Variants in EBF1 observed in about 807,000 individuals in gnomAD.
EBF1 encodes transcription factor COE1.
Under a neutral mutation model 68.4 loss-of-function variants are expected in EBF1, and 10 were observed. The ratio of observed to expected loss-of-function variants is 0.15; its 90% CI spans 0.09 to 0.25. EBF1 has a LOEUF of 0.25. Among genes scored for constraint, EBF1 ranks in the 10% least tolerant of loss-of-function variants. The pLI is 1.00. For missense variants in EBF1, 509 were observed against 794.4 expected (o/e 0.64, Z 4.32); for synonymous variants, 298 against 299.8 (o/e 0.99, Z 0.06).
chr5:158,824,429 T>C (rs192812903), intron 7 of EBF1, among the ~76,000 whole-genome samples: 110 of 152,302 alleles, frequency 7.2e-4, no homozygotes, highest in Admixed American at 1.9e-3. Context: ...ACTTGAGAAA[T>C]GAAAGACAAT....
intron 11 of EBF1, among the ~76,000 whole-genome samples, chr5:158,727,775 C>T (rs1304711535): frequency 6.6e-6 from 1 of 152,216 alleles, no homozygotes; most frequent in Non-Finnish European, 1.5e-5. Context: ...AAGATGTCTG[C>T]TGCCCAGCCT....
intron 10 of EBF1, among the ~76,000 whole-genome samples, chr5:158,752,836 A>C (rs1434313348): frequency 1.3e-5 from 2 of 152,196 alleles, no homozygotes; most frequent in African/African-American, 2.4e-5. Flanking sequence ...CACACCACAC[A>C]GATAATTATA....
At chr5:158,744,441 C>A (rs1767114398) in intron 10 of EBF1, among the ~76,000 whole-genome samples, 1 of 151,964 alleles carries the variant, frequency 6.6e-6, no homozygotes, top group South Asian at 2.1e-4. Context: ...AGCAACCAAC[C>A]AGGAGAGGTC....
At chr5:158,713,972 T>C in intron 12 of EBF1, 145 bp downstream of exon 12, 1 of 756,316 alleles carries the variant, frequency 1.3e-6, no homozygotes, top group South Asian at 2.1e-5. Context: ...TGAATCATCT[T>C]GCAACATGTT....
At chr5:158,733,142 G>A (rs1764466687) in intron 10 of EBF1, among the ~76,000 whole-genome samples, 1 of 152,186 alleles carries the variant, frequency 6.6e-6, no homozygotes. Context: ...AGATGCATGA[G>A]AGAGACAGGA....
At chr5:158,758,771 C>A (rs908030369) in intron 10 of EBF1, among the ~76,000 whole-genome samples, 7 of 152,086 alleles carry the variant, frequency 4.6e-5, no homozygotes, top group African/African-American at 4.8e-5. Context: ...CCAAACATGG[C>A]GTGGTTATTC....
At position 158,725,307 on chromosome 5, in the gene EBF1, A is replaced by C. The variant is rs529768898; in HGVS notation, c.1125+5762T>G. Among the ~76,000 whole-genome samples, 3 of 151,792 alleles carry C rather than the reference A, an allele frequency of 2.0e-5. No homozygotes were observed. The South Asian group carries it at 6.3e-4, about 32-fold the overall frequency. On this transcript the variant is annotated intron_variant, in intron 11 of 15. Transcript: ENST00000313708. ...CCACAACCCCTCCTTCCCACCATCCACCCCACTGGTGTTCACCTCCCTTAT... is the reference window on the plus strand; with the variant it reads ...CCACAACCCCTCCTTCCCACCATCCCCCCCACTGGTGTTCACCTCCCTTAT...
At chr5:159,073,041 G>A (rs1329977183) in intron 6 of EBF1, among the ~76,000 whole-genome samples, 1 of 152,116 alleles carries the variant, frequency 6.6e-6, no homozygotes, top group African/African-American at 2.4e-5. Context: ...TCAAATAAAA[G>A]TTAAATATTT....
intron 10 of EBF1, among the ~76,000 whole-genome samples, chr5:158,755,610 C>T (rs926329435): frequency 6.6e-6 from 1 of 151,974 alleles, no homozygotes; most frequent in Non-Finnish European, 1.5e-5. Context: ...TAGCTGAAGG[C>T]CTAAAAGTGG....
At position 158,823,040 on chromosome 5, in the gene EBF1, C is replaced by A. The variant is rs1785196909; in HGVS notation, c.778+136G>T. Reference sequence around the variant, plus strand: ...GCCACCATATGTTGAAGAGAAAAAACCCTAGAGGACCAATCTTATTCAAAA... The same window carrying A: ...GCCACCATATGTTGAAGAGAAAAAAACCTAGAGGACCAATCTTATTCAAAA... On this transcript the variant is annotated intron_variant, in intron 8 of 15. Transcript: ENST00000313708. The A allele has an allele frequency of 3.3e-6, 4 of 1,202,006 alleles. No homozygotes were observed. The South Asian group carries it at 5.7e-5, about 17-fold the overall frequency. The allele number at this position is 1,202,006 out of a possible 1,614,324, so 74.5% of individuals were successfully genotyped here. A position where few individuals can be genotyped will look rare whatever the true frequency, so the allele number is the denominator to read the frequency against.
intron 6 of EBF1, among the ~76,000 whole-genome samples, chr5:158,890,968 A>G (rs1305750574): frequency 6.6e-6 from 1 of 152,188 alleles, no homozygotes; most frequent in African/African-American, 2.4e-5. Flanking sequence ...GATAAATAAA[A>G]CAACTTGACT....
intron 10 of EBF1, among the ~76,000 whole-genome samples, chr5:158,770,667 T>G (rs570655584): frequency 6.6e-6 from 1 of 152,182 alleles, no homozygotes; most frequent in Non-Finnish European, 1.5e-5. Flanking sequence ...CAGGGCCTTC[T>G]CATTTGCTCC....
intron 6 of EBF1, among the ~76,000 whole-genome samples, chr5:158,939,124 A>C (rs1812705102): frequency 6.6e-6 from 1 of 152,220 alleles, no homozygotes; most frequent in Non-Finnish European, 1.5e-5. Flanking sequence ...CAGCACATTA[A>C]ATGGAGCCCG....
intron 6 of EBF1, among the ~76,000 whole-genome samples, chr5:158,963,346 A>G (rs1388677858): frequency 6.6e-6 from 1 of 152,206 alleles, no homozygotes; most frequent in Non-Finnish European, 1.5e-5. Flanking sequence ...ACTTTTACGG[A>G]ATGACAGTAC....
At chr5:158,717,038 A>G (rs1760882279) in intron 11 of EBF1, among the ~76,000 whole-genome samples, 1 of 152,232 alleles carries the variant, frequency 6.6e-6, no homozygotes, top group South Asian at 2.1e-4. Context: ...AGGGCACTGC[A>G]GTTTTAACAA....
intron 6 of EBF1, among the ~76,000 whole-genome samples, chr5:159,070,770 T>A (rs1777656738): frequency 6.6e-6 from 1 of 152,240 alleles, no homozygotes; most frequent in Non-Finnish European, 1.5e-5. Context: ...GCATATTGTA[T>A]GCATCTTTTG....
chr5:159,056,246 G>C (rs992419351), intron 6 of EBF1, among the ~76,000 whole-genome samples: 11 of 152,140 alleles, frequency 7.2e-5, no homozygotes, highest in African/African-American at 2.4e-4. Context: ...AGATTTAGTT[G>C]GTTGACTACA....
chr5:158,762,684 C>T (rs373605912), intron 10 of EBF1, among the ~76,000 whole-genome samples: 3 of 152,092 alleles, frequency 2.0e-5, no homozygotes, highest in African/African-American at 7.2e-5. Context: ...TACAGGCGCC[C>T]GCCACTGCGC....
intron 10 of EBF1, among the ~76,000 whole-genome samples, chr5:158,759,543 C>T (rs560223728): frequency 4.3e-4 from 65 of 152,156 alleles, no homozygotes; most frequent in Non-Finnish European, 7.9e-4. Context: ...GATAGCATAG[C>T]GTGAGCGCTG....
Sources: allele counts gnomAD v4.1 joint callset (sites outside exome capture counted in the v4.1 genomes callset), GRCh38; gene constraint gnomAD v4.1.1; transcripts MANE v1.5; gene names NCBI Gene and HGNC (gene_info 2026-07-23, HGNC 2026-07-21).